The following PLEKHA8 variants were observed in gnomAD, a reference collection of about 807,000 sequenced individuals.
The protein encoded by PLEKHA8 is pleckstrin homology domain-containing family A member 8.
In PLEKHA8, 36 loss-of-function variants were observed where a neutral mutation model predicts 68.2. The ratio of observed to expected loss-of-function variants is 0.53; its 90% confidence interval spans 0.40 to 0.70. The LOEUF is 0.70. PLEKHA8 is among the 30% of genes least tolerant of loss of function. The pLI is 0.00. For missense variants in PLEKHA8, 505 were observed against 615.4 expected (o/e 0.82, Z 1.90); for synonymous variants, 211 against 216.1 (o/e 0.98, Z 0.20).
intron 1 of PLEKHA8, among the ~76,000 whole-genome samples, chr7:30,040,858 A>T (rs1214091246): frequency 6.6e-6 from 1 of 152,198 alleles, no homozygotes; most frequent in East Asian, 1.9e-4. Flanking sequence ...AATTTGGGTG[A>T]TACCACATTG....
intron 9 of PLEKHA8, among the ~76,000 whole-genome samples, chr7:30,056,333 A>AAT (rs1732826043): frequency 9.8e-6 from 1 of 102,534 alleles, no homozygotes. Flanking sequence ...TATATATATA[A>AAT]ATAACATATA....
intron 12 of PLEKHA8, among the ~76,000 whole-genome samples, chr7:30,063,207 C>T (rs769258976): frequency 6.6e-6 from 1 of 152,146 alleles, no homozygotes; most frequent in Admixed American, 6.5e-5. Context: ...ATGCTGTGTG[C>T]GTCCCAGTTT....
At chr7:30,123,838 T>C (rs760680865) in intron 13 of PLEKHA8, among the ~76,000 whole-genome samples, 2 of 152,198 alleles carry the variant, frequency 1.3e-5, no homozygotes, top group Non-Finnish European at 2.9e-5. Flanking sequence ...CCTGAACTTA[T>C]CAGTTACCTG....
At chr7:30,057,320 T>A (rs1476044348) in intron 9 of PLEKHA8, among the ~76,000 whole-genome samples, 1 of 152,180 alleles carries the variant, frequency 6.6e-6, no homozygotes, top group Non-Finnish European at 1.5e-5. Context: ...ATACAGTATG[T>A]TTTTGAGATC....
intron 12 of PLEKHA8, among the ~76,000 whole-genome samples, chr7:30,065,337 T>C (rs1243393453): frequency 6.6e-6 from 1 of 152,198 alleles, no homozygotes; most frequent in African/African-American, 2.4e-5. Flanking sequence ...TGGAAATCCC[T>C]AGTTTCTTGC....
intron 9 of PLEKHA8, among the ~76,000 whole-genome samples, chr7:30,059,093 C>G (rs1006167806): frequency 2.2e-4 from 33 of 152,226 alleles, no homozygotes; most frequent in African/African-American, 7.7e-4. Flanking sequence ...TGCACTCCAT[C>G]CTAGTTGACA....
At chr7:30,102,040 A>C (rs1795872351) in intron 13 of PLEKHA8, among the ~76,000 whole-genome samples, 1 of 152,262 alleles carries the variant, frequency 6.6e-6, no homozygotes. Context: ...TACATCTGAT[A>C]AGGGACTGGT....
Position 30,079,931 on chromosome 7 carries a change from A to G in PLEKHA8, c.*1144A>G, listed in dbSNP as rs1562537064. ...TTTTTTCAAAGAGGATAAGGCTGCT[A>G]TTTAAATAAAATAGCTAAATGGAGA... On this transcript the variant is annotated 3_prime_UTR_variant, in exon 14 of 14. Transcript: ENST00000449726. 1.0e-6 allele frequency: 1 copy of G among 983,534 alleles called. No individual in the cohort carries two copies. 60.9% of individuals were successfully genotyped at this position (983,534 alleles called of 1,614,324 possible). A position where few individuals can be genotyped will look rare whatever the true frequency, so the allele number is the denominator to read the frequency against.
chr7:30,058,411 T>G (rs1333160784), intron 9 of PLEKHA8, among the ~76,000 whole-genome samples: 1 of 151,972 alleles, frequency 6.6e-6, no homozygotes, highest in Non-Finnish European at 1.5e-5. Context: ...CTTTTACATT[T>G]GTGCCTATGA....
rs1478946386 is a variant in PLEKHA8 at position 30,078,978 on chromosome 7, A to G, written c.*191A>G. 6.5e-6 allele frequency: 9 copies of G among 1,377,340 alleles called. No homozygotes were observed. Among genetic ancestry groups the G allele is most frequent in the South Asian group, 1.8e-5 (1 of 55,436 alleles). The allele number at this position is 1,377,340 out of a possible 1,614,324, so 85.3% of individuals were successfully genotyped here. ...TGTTTTGTTTAAAGATCAAGGTGCT[A>G]TATATTTCAGTTCAGCAGGCCTACT... On this transcript the variant is annotated 3_prime_UTR_variant, in exon 14 of 14. Transcript: ENST00000449726.
At chr7:30,122,505 A>G (rs567287461) in intron 13 of PLEKHA8, among the ~76,000 whole-genome samples, 1 of 152,358 alleles carries the variant, frequency 6.6e-6, no homozygotes, top group African/African-American at 2.4e-5. Flanking sequence ...TTGTATGTAT[A>G]GAAAAACGAC....
At chr7:30,122,058 A>G (rs1583492530) in intron 13 of PLEKHA8, among the ~76,000 whole-genome samples, 1 of 152,384 alleles carries the variant, frequency 6.6e-6, no homozygotes, top group Middle Eastern at 3.4e-3. Flanking sequence ...TGTAAGAGCT[A>G]TGACTAAAGA....
Position 30,050,554 on chromosome 7 carries a change from T to A in PLEKHA8, c.638+80T>A, listed in dbSNP as rs1792326907. 7 of 1,415,012 alleles carry A rather than the reference T, an allele frequency of 4.9e-6. No homozygotes were observed. In the South Asian group the frequency reaches 1.0e-4, roughly 21 times the overall value. The allele number at this position is 1,415,012 out of a possible 1,614,324, so 87.7% of individuals were successfully genotyped here. The stretch of plus-strand genomic sequence containing the variant: ...ATTCCTTGTTTAAAAAAAGATACTT[T>A]GATCTTGTAATGGTTTTTCTCAGGA... On this transcript the variant is annotated intron_variant, in intron 6 of 13. Coordinates refer to ENST00000449726, the MANE Select transcript of PLEKHA8 (RefSeq NM_001197026.2).
chr7:30,081,969 T>C lies in PLEKHA8; in HGVS notation c.*3182T>C, dbSNP rs190343245. 86 of 946,622 alleles carry C rather than the reference T, an allele frequency of 9.1e-5. No individual in the cohort carries two copies. The highest frequency in any genetic ancestry group is 1.1e-4 in the Non-Finnish European group (84 of 794,792). The allele number at this position is 946,622 out of a possible 1,614,324, so 58.6% of individuals were successfully genotyped here. On this transcript the variant is annotated 3_prime_UTR_variant, in exon 14 of 14. Transcript: ENST00000449726. ...GCTAATGCTGGTGAAAAATGTTAAATTGGAGAGATCCCTTTTGGGAGTGAA... is the reference window on the plus strand; with the variant it reads ...GCTAATGCTGGTGAAAAATGTTAAACTGGAGAGATCCCTTTTGGGAGTGAA...
rs35738941 is a variant in PLEKHA8 at position 30,073,563 on chromosome 7, T to TAAAAAAAAAAAAAAAAAAAAAAAAA, written c.1301-506_1301-482dup. Among the ~76,000 whole-genome samples the TAAAAAAAAAAAAAAAAAAAAAAAAA allele has an allele frequency of 5.4e-5, 6 of 111,764 alleles. 1 individual carries two copies. Among genetic ancestry groups the TAAAAAAAAAAAAAAAAAAAAAAAAA allele is most frequent in the African/African-American group, 2.1e-4 (6 of 28,060 alleles). 73.3% of individuals were successfully genotyped at this position (111,764 alleles called of 152,430 possible). A position where few individuals can be genotyped will look rare whatever the true frequency, so the allele number is the denominator to read the frequency against. Reference sequence around the variant, plus strand: ...TAAGAGTGGAAGTATTTGTGTTTCTTAAAAAAAAAAAAAAAAAAAAAAAAA... The same window carrying TAAAAAAAAAAAAAAAAAAAAAAAAA: ...TAAGAGTGGAAGTATTTGTGTTTCTTAAAAAAAAAAAAAAAAAAAAAAAAAAAAAAAAAAAAAAAAAAAAAAAAAA... On this transcript the variant is annotated intron_variant, in intron 12 of 13. Coordinates refer to ENST00000449726, the MANE Select transcript of PLEKHA8 (RefSeq NM_001197026.2).
chr7:30,052,646 A>G, intron 6 of PLEKHA8, 63 bp from the exon 7 acceptor site: 1 of 1,149,082 alleles, frequency 8.7e-7, no homozygotes, highest in Non-Finnish European at 1.2e-6. Flanking sequence ...GTTTCAAAAA[A>G]AAAAAAAAAA....
chr7:30,049,053 A>T (rs1051798498), intron 4 of PLEKHA8, 171 bp from the exon 5 acceptor site: 1 of 743,948 alleles, frequency 1.3e-6, no homozygotes, highest in Non-Finnish European at 2.2e-6. Flanking sequence ...AATAGTGCTG[A>T]TAGTTACTTG....
intron 9 of PLEKHA8, among the ~76,000 whole-genome samples, chr7:30,059,919 C>T (rs1479487599): frequency 6.6e-6 from 1 of 152,244 alleles, no homozygotes; most frequent in East Asian, 1.9e-4. Context: ...CATGGTGGCT[C>T]ACGCCTGTAA....
At chr7:30,108,329 T>A (rs1317793376) in intron 13 of PLEKHA8, among the ~76,000 whole-genome samples, 1 of 152,146 alleles carries the variant, frequency 6.6e-6, no homozygotes, top group Non-Finnish European at 1.5e-5. Context: ...TATACCATCC[T>A]TATCTGATTT....
Sources: gnomAD v4.1 joint callset for allele counts (sites outside exome capture counted in the v4.1 genomes callset) on GRCh38, gnomAD v4.1.1 for gene constraint, MANE v1.5 for transcripts, NCBI Gene and HGNC (gene_info 2026-07-23, HGNC 2026-07-21) for gene names.